The following MLST8 variants were observed in gnomAD, a reference collection of about 807,000 sequenced individuals.
MLST8 encodes MTOR associated protein MLST8, also known as target of rapamycin complex subunit LST8.
In MLST8, 20 loss-of-function variants were observed where a neutral mutation model predicts 41.3. The observed-to-expected ratio is 0.48, with a 90% CI of 0.34 to 0.70. The LOEUF (loss-of-function observed/expected upper bound fraction) is 0.70. Ranked by LOEUF, MLST8 falls within the 30% of genes least tolerant of loss-of-function variation. MLST8 has a pLI of 0.01. For synonymous variants in MLST8, 243 were observed against 183.0 expected (o/e 1.33, Z -2.65); for missense variants, 422 against 454.3 (o/e 0.93, Z 0.65).
chr16:2,206,580 G>T lies in MLST8; in HGVS notation c.265G>T (p.Ala89Ser). ...CTACGACGGCGTCAACAAGAACATC[G>T]CGTCTGTGGGCTTCCACGAAGACGG... ...ISYDGVNKNIASVGFHEDGRW... is the reference protein window; with the variant it reads ...ISYDGVNKNISSVGFHEDGRW... The change falls in exon 4 of 9, where the codon GCG becomes TCG. Residue 89 changes from alanine (A) to serine (S), a missense_variant. Transcript: ENST00000569417. The T allele has an allele frequency of 3.7e-6, 6 of 1,613,980 alleles. No homozygotes were observed. Among genetic ancestry groups the T allele is most frequent in the Non-Finnish European group, 5.1e-6 (6 of 1,179,992 alleles).
intron 6 of MLST8, 180 bp downstream of exon 6, chr16:2,207,525 C>T (rs2093316705): frequency 5.6e-6 from 4 of 708,728 alleles, no homozygotes; most frequent in African/African-American, 5.4e-5. Context: ...TGGCTTAGTC[C>T]TGTCTGCAGG....
At chr16:2,207,800 T>C (rs2093324412) in intron 6 of MLST8, 2 of 227,060 alleles carry the variant, frequency 8.8e-6, no homozygotes, top group Non-Finnish European at 1.7e-5. Flanking sequence ...TGCTGTGGCG[T>C]GGCCCCTGCT....
chr16:2,206,523 C>T lies in MLST8; in HGVS notation c.208C>T (p.Leu70Phe). The T allele has an allele frequency of 6.2e-7, 1 of 1,612,322 alleles. No homozygotes were observed. The highest frequency in any genetic ancestry group is 8.5e-7 in the Non-Finnish European group (1 of 1,178,474). Residue 70 changes from leucine (L) to phenylalanine (F), a missense_variant, in exon 4 of 9, where the codon CTC becomes TTC. Transcript: ENST00000569417. ...AGYQHIRMYD[L>F]NSNNPNPIIS... Reference sequence around the variant, plus strand: ...TTACCAGCACATCCGCATGTATGATCTCAACTCCAATAACCCTAACCCCAT... The same window carrying T: ...TTACCAGCACATCCGCATGTATGATTTCAACTCCAATAACCCTAACCCCAT...
At chr16:2,208,109 C>T (rs980728908) in intron 6 of MLST8, 101 bp from the exon 7 acceptor site, 3 of 1,427,164 alleles carry the variant, frequency 2.1e-6, no homozygotes, top group African/African-American at 2.9e-5. Flanking sequence ...ACCCGGGGTC[C>T]CCATGCACAG....
intron 1 of MLST8, chr16:2,205,750 C>T: frequency 2.0e-6 from 2 of 1,022,984 alleles, no homozygotes; most frequent in Non-Finnish European, 2.3e-6. Context: ...GCGCAGCCCG[C>T]CCCTGCGGCA....
rs1408275325 is a variant in MLST8 at position 2,206,621 on chromosome 16, G to A, written c.306G>A (p.Thr102=). 2 of 1,613,792 alleles carry A rather than the reference G, an allele frequency of 1.2e-6. No homozygotes were observed. The highest frequency in any genetic ancestry group is 1.3e-5 in the African/African-American group (1 of 74,884). ...GFHEDGRWMY[T]GGEDCTARIW... is the part of the protein sequence containing the mutation. ...ACGAAGACGGCCGCTGGATGTACAC[G>A]GGCGGCGAGGACTGCACAGCCAGGA... Residue 102 remains threonine, a synonymous_variant, in exon 4 of 9, where the codon ACG becomes ACA. Coordinates refer to ENST00000569417, the MANE Select transcript of MLST8 (RefSeq NM_022372.6).
At chr16:2,206,471 A>G (rs2093292009) in intron 3 of MLST8, 26 bp from the exon 4 acceptor site, 1 of 1,612,128 alleles carries the variant, frequency 6.2e-7, no homozygotes, top group Non-Finnish European at 8.5e-7. Flanking sequence ...AGCACAGCCA[A>G]GCTTCAGTTC....
At chr16:2,207,705 A>C in intron 6 of MLST8, 1 of 331,560 alleles carries the variant, frequency 3.0e-6, no homozygotes, top group Non-Finnish European at 5.7e-6. Context: ...TCTCTCTTGG[A>C]TGCTTCTAGT....
chr16:2,205,701 G>C (rs1023595671), intron 1 of MLST8, 189 bp downstream of exon 1: 23 of 995,648 alleles, frequency 2.3e-5, no homozygotes, highest in Admixed American at 6.1e-5. Context: ...CGCAGCCGCA[G>C]CGCTCGGCTT....
Position 2,208,071 on chromosome 16 carries a change from C to A in MLST8, c.574-139C>A. ...AGGCTTCCCAGGTGCCTTCTGCAGG[C>A]AGGACCAGAGGGGCCTGCCTGCCCC... On this transcript the variant is annotated intron_variant, in intron 6 of 8. Transcript: ENST00000569417. 3.0e-6 allele frequency: 3 copies of A among 1,008,726 alleles called. No individual in the cohort carries two copies. In the East Asian group the frequency reaches 8.2e-5, roughly 28 times the overall value. The allele number at this position is 1,008,726 out of a possible 1,614,324, so 62.5% of individuals were successfully genotyped here.
intron 8 of MLST8, 47 bp downstream of exon 8, chr16:2,208,660 C>G: frequency 6.2e-7 from 1 of 1,612,398 alleles, no homozygotes; most frequent in Non-Finnish European, 8.5e-7. Context: ...CGGCGCTGGC[C>G]TCCAGAGCCA....
At chr16:2,208,142 A>C in intron 6 of MLST8, 68 bp from the exon 7 acceptor site, 1 of 1,525,904 alleles carries the variant, frequency 6.6e-7, no homozygotes, top group African/African-American at 1.4e-5. Flanking sequence ...GTTGGCCCCC[A>C]GGGCATCCTT....
At position 2,208,909 on chromosome 16, in the gene MLST8, T is replaced by A; in HGVS notation, c.*32T>A. On this transcript the variant is annotated 3_prime_UTR_variant, in exon 9 of 9. Transcript: ENST00000569417. The stretch of plus-strand genomic sequence containing the variant: ...ACCCCTCGGGACTGCCTGGTGCAGG[T>A]GGTGGCAGCTGGAGGGACCCATGCA... 6.2e-7 allele frequency: 1 copy of A among 1,607,728 alleles called. No individual in the cohort carries two copies. Among genetic ancestry groups the A allele is most frequent in the Non-Finnish European group, 8.5e-7 (1 of 1,178,074 alleles).
intron 7 of MLST8, 45 bp downstream of exon 7, chr16:2,208,379 G>GGGGGCTGGAGAGGGGA (rs1300543963): frequency 6.2e-7 from 1 of 1,605,444 alleles, no homozygotes; most frequent in Non-Finnish European, 8.5e-7. Flanking sequence ...TGCCTGGGCT[G>GGGGGCTGGAGAGGGGA]GGGGCTGGAG....
chr16:2,207,049 A>G lies in MLST8; in HGVS notation c.359A>G (p.Gln120Arg), dbSNP rs1262965614. The G allele has an allele frequency of 1.2e-6, 2 of 1,613,396 alleles. No homozygotes were observed. The highest frequency in any genetic ancestry group is 2.7e-5 in the African/African-American group (2 of 74,934). ...RIWDLRSRNL[Q>R]CQRIFQVNAP... ...CCGGCCCGCAGGTCCCGGAACCTGC[A>G]GTGCCAGCGGATCTTCCAGGTGAAC... The change falls in exon 5 of 9, where the codon CAG becomes CGG. Residue 120 changes from glutamine to arginine, a missense_variant. Physicochemically the swap from Gln to Arg is conservative, Grantham distance 43. Transcript: ENST00000569417.
intron 2 of MLST8, 42 bp from the exon 3 acceptor site, chr16:2,206,316 G>C: frequency 6.2e-7 from 1 of 1,611,532 alleles, no homozygotes; most frequent in Non-Finnish European, 8.5e-7. Flanking sequence ...GGGGGCCCTG[G>C]CCTCAGGGCT....
At chr16:2,205,686 G>A (rs2093267358) in intron 1 of MLST8, 174 bp downstream of exon 1, 1 of 991,828 alleles carries the variant, frequency 1.0e-6, no homozygotes. Flanking sequence ...GGCCTGCTAC[G>A]CATGCGCAGC....
rs746848966 is a variant in MLST8, at chr16:2,206,558, C to T, written c.243C>T (p.Tyr81=). 3.1e-6 allele frequency: 5 copies of T among 1,613,988 alleles called. No homozygotes were observed. Among genetic ancestry groups the T allele is most frequent in the African/African-American group, 2.7e-5 (2 of 74,920 alleles). The change falls in exon 4 of 9, where the codon TAC becomes TAT. Residue 81 remains tyrosine, a synonymous_variant. Transcript: ENST00000569417. ...NSNNPNPIIS[Y]DGVNKNIASV... ...ATAACCCTAACCCCATCATCAGCTA[C>T]GACGGCGTCAACAAGAACATCGCGT...
In MLST8 at chr16:2,208,546, CG is replaced by C; in HGVS notation, c.799del (p.Glu267SerfsTer63). 6.2e-7 allele frequency: 1 copy of C among 1,612,926 alleles called. No homozygotes were observed. On this transcript the variant is annotated frameshift_variant, in exon 8 of 9. Coordinates refer to ENST00000569417, the MANE Select transcript of MLST8 (RefSeq NM_022372.6). LOFTEE classifies it high-confidence loss of function. ...TELSIKSGNP[G>X]ESSRGWMWGC... The stretch of plus-strand genomic sequence containing the variant: ...AGCTGAGCATCAAGAGCGGCAACCC[CG>C]GGGAGTCCTCCCGCGGCTGGATGTG...
Sources: allele counts gnomAD v4.1 joint callset, GRCh38; gene constraint gnomAD v4.1.1; transcripts MANE v1.5; gene names NCBI Gene and HGNC (gene_info 2026-07-23, HGNC 2026-07-21).